The following DSTYK variants were observed in gnomAD, a reference collection of about 807,000 sequenced individuals.
DSTYK encodes RIP-homologous kinase.
In DSTYK, 34 loss-of-function variants were observed where a neutral mutation model predicts 98.7. The observed-to-expected ratio is 0.34, with a 90% confidence interval of 0.26 to 0.46. DSTYK has a LOEUF of 0.46. Among genes scored for constraint, DSTYK ranks in the 20% least tolerant of loss-of-function variants. The pLI, the probability that DSTYK is intolerant of heterozygous loss-of-function variation, is 1.00. For missense variants in DSTYK, 962 were observed against 1,181.7 expected (o/e 0.81, Z 2.73); for synonymous variants, 462 against 457.3 (o/e 1.01, Z -0.13).
At chr1:205,189,904 C>T (rs908577066) in intron 1 of DSTYK, among the ~76,000 whole-genome samples, 1 of 152,156 alleles carries the variant, frequency 6.6e-6, no homozygotes, top group Non-Finnish European at 1.5e-5. Context: ...AGGGTATTTA[C>T]TAAATACAAG....
At chr1:205,199,724 T>A (rs1658970288) in intron 1 of DSTYK, among the ~76,000 whole-genome samples, 1 of 152,176 alleles carries the variant, frequency 6.6e-6, no homozygotes, top group African/African-American at 2.4e-5. Context: ...TGAATGACAC[T>A]ACTCAGATTC....
intron 6 of DSTYK, 62 bp from the exon 7 acceptor site, chr1:205,161,449 T>C (rs747114275): frequency 2.2e-5 from 33 of 1,526,522 alleles, no homozygotes; most frequent in Non-Finnish European, 3.0e-5. Flanking sequence ...TCCTCACCTG[T>C]TATACAGGGA....
At position 205,211,501 on chromosome 1, in the gene DSTYK, G is replaced by A. The variant is rs757115952; in HGVS notation, c.35C>T (p.Pro12Leu). The change falls in exon 1 of 13, where the codon CCC becomes CTC. Residue 12 changes from proline (P) to leucine (L), a missense_variant. Pro to Leu is a moderately conservative substitution (Grantham distance 98). Transcript: ENST00000367162. Reference sequence around the variant, plus strand: ...GCCGCCGGGGCCGGGACCCGAGACGGGCTCGCTGCCCCATGGCACCCCGTC... The same window carrying A: ...GCCGCCGGGGCCGGGACCCGAGACGAGCTCGCTGCCCCATGGCACCCCGTC... ...EGDGVPWGSE[P>L]VSGPGPGGGG... The A allele has an allele frequency of 6.7e-5, 106 of 1,574,070 alleles. No homozygotes were observed. In the Middle Eastern group the frequency reaches 1.2e-3, roughly 18 times the overall value.
chr1:205,211,059 C>G (rs879715771), intron 1 of DSTYK, among the ~76,000 whole-genome samples: 9 of 152,242 alleles, frequency 5.9e-5, no homozygotes, highest in Non-Finnish European at 1.2e-4. Context: ...GGCTCCCGGT[C>G]CCCCAGCGGG....
rs368465758 is a variant in DSTYK, at chr1:205,172,583, G to A, written c.655-2751C>T. On this transcript the variant is annotated intron_variant, in intron 2 of 12. Transcript: ENST00000367162. The stretch of plus-strand genomic sequence containing the variant: ...CTGCGCCTCAGCCTCCCAAAGTGCT[G>A]AGATTACAGGTGTGAACCACTGTGC... Among the ~76,000 whole-genome samples, 33 of 151,768 alleles carry A rather than the reference G, an allele frequency of 2.2e-4. No homozygotes were observed. The South Asian group carries it at 6.0e-3, about 28-fold the overall frequency.
At position 205,147,379 on chromosome 1, in the gene DSTYK, A is replaced by T; in HGVS notation, c.*179T>A. 1.9e-6 allele frequency: 1 copy of T among 529,760 alleles called. No individual in the cohort carries two copies. The highest frequency in any genetic ancestry group is 3.2e-6 in the Non-Finnish European group (1 of 310,526). 32.8% of individuals were successfully genotyped at this position (529,760 alleles called of 1,614,324 possible). ...CTTCAGTGAGCTGCTGAATATGCTC[A>T]GTCATTCAACTCTTCACTGTCCAGG... On this transcript the variant is annotated 3_prime_UTR_variant, in exon 13 of 13. Transcript: ENST00000367162.
At chr1:205,204,485 C>A (rs1258415642) in intron 1 of DSTYK, among the ~76,000 whole-genome samples, 4 of 150,956 alleles carry the variant, frequency 2.6e-5, no homozygotes, top group Non-Finnish European at 4.4e-5. Flanking sequence ...CACACACAAC[C>A]ACTCAAACAG....
At chr1:205,153,458 A>G (rs1657459995) in intron 10 of DSTYK, among the ~76,000 whole-genome samples, 2 of 152,224 alleles carry the variant, frequency 1.3e-5, no homozygotes, top group Admixed American at 6.5e-5. Flanking sequence ...CTAAAGAAAC[A>G]TGACAACAAA....
chr1:205,207,974 T>G (rs2102489094), intron 1 of DSTYK, among the ~76,000 whole-genome samples: 1 of 151,874 alleles, frequency 6.6e-6, no homozygotes, highest in Non-Finnish European at 1.5e-5. Context: ...CCTCCCACAT[T>G]CAAGTGATTC....
At chr1:205,211,127 C>T (rs1659360057) in intron 1 of DSTYK, 144 bp downstream of exon 1, 6 of 1,251,798 alleles carry the variant, frequency 4.8e-6, no homozygotes, top group Non-Finnish European at 6.3e-6. Flanking sequence ...TCCGGCCGGC[C>T]CATGCCCGGG....
chr1:205,171,458 A>T (rs1378252228), intron 2 of DSTYK, among the ~76,000 whole-genome samples: 5 of 128,440 alleles, frequency 3.9e-5, no homozygotes, highest in Non-Finnish European at 9.0e-5. Flanking sequence ...CTCAATTAAA[A>T]AAAAAAAAAA....
intron 1 of DSTYK, among the ~76,000 whole-genome samples, chr1:205,209,585 A>AT (rs1659306880): frequency 7.1e-6 from 1 of 141,550 alleles, no homozygotes; most frequent in Non-Finnish European, 1.6e-5. Flanking sequence ...TTTGGATAGG[A>AT]ATTTAAAAAG....
At position 205,143,562 on chromosome 1, in the gene DSTYK, C is replaced by T. The variant is rs1345030369; in HGVS notation, c.*3996G>A. On this transcript the variant is annotated 3_prime_UTR_variant, in exon 13 of 13. Coordinates refer to ENST00000367162, the MANE Select transcript of DSTYK (RefSeq NM_015375.3). ...GAATACCAAGCATGCCATCATCTCT[C>T]CAAAGCAAGCCCAAAGGGGGCTTTA... is the stretch of plus-strand genomic sequence containing the variant. The T allele has an allele frequency of 6.6e-6, 1 of 152,604 alleles. No individual in the cohort carries two copies. Among genetic ancestry groups the T allele is most frequent in the African/African-American group, 2.4e-5 (1 of 41,424 alleles). 9.5% of individuals were successfully genotyped at this position (152,604 alleles called of 1,614,324 possible).
chr1:205,206,319 G>T (rs1275159412), intron 1 of DSTYK, among the ~76,000 whole-genome samples: 1 of 149,180 alleles, frequency 6.7e-6, no homozygotes, highest in Non-Finnish European at 1.5e-5. Context: ...TCGCTCTGTC[G>T]CCCAGGCTAG....
In DSTYK at chr1:205,146,883, T is replaced by A. The variant is rs1377226278; in HGVS notation, c.*675A>T. 2 of 152,194 alleles carry A rather than the reference T, an allele frequency of 1.3e-5. No homozygotes were observed. The highest frequency in any genetic ancestry group is 2.4e-5 in the African/African-American group (1 of 41,306). 9.4% of individuals were successfully genotyped at this position (152,194 alleles called of 1,614,324 possible). A position where few individuals can be genotyped will look rare whatever the true frequency, so the allele number is the denominator to read the frequency against. On this transcript the variant is annotated 3_prime_UTR_variant, in exon 13 of 13. Transcript: ENST00000367162. The stretch of plus-strand genomic sequence containing the variant: ...ACCATGCCTGGCCTCTTTTTTTTTT[T>A]TTTTCCTCTTTTCAGGGCCTCTTGG...
chr1:205,171,891 T>C (rs973561805), intron 2 of DSTYK, among the ~76,000 whole-genome samples: 3 of 152,232 alleles, frequency 2.0e-5, no homozygotes, highest in African/African-American at 7.2e-5. Context: ...GTCTAAAAGA[T>C]ACACAATTTC....
intron 2 of DSTYK, among the ~76,000 whole-genome samples, chr1:205,186,768 T>C (rs561231610): frequency 1.3e-5 from 2 of 152,206 alleles, no homozygotes; most frequent in African/African-American, 4.8e-5. Flanking sequence ...CAATATGATA[T>C]CTTACGAGAT....
chr1:205,182,702 A>AGGCTGAGG (rs1490341183), intron 2 of DSTYK, among the ~76,000 whole-genome samples: 2 of 151,658 alleles, frequency 1.3e-5, no homozygotes, highest in Admixed American at 6.6e-5. Context: ...GATACTCGGG[A>AGGCTGAGG]GGCTGAGGCA....
At chr1:205,162,014 A>G (rs1657738494) in intron 6 of DSTYK, 22 bp downstream of exon 6, 1 of 1,605,966 alleles carries the variant, frequency 6.2e-7, no homozygotes, top group Admixed American at 1.7e-5. Flanking sequence ...ATCCAGCTGT[A>G]TCTCCTTTCC....
Sources: gnomAD v4.1 joint callset for allele counts (sites outside exome capture counted in the v4.1 genomes callset) on GRCh38, gnomAD v4.1.1 for gene constraint, MANE v1.5 for transcripts, NCBI Gene and HGNC (gene_info 2026-07-23, HGNC 2026-07-21) for gene names.